The following GSE1 variants were observed in gnomAD, a reference collection of about 807,000 sequenced individuals.
GSE1 encodes the protein genetic suppressor element 1.
In GSE1, 32 loss-of-function variants were observed where a neutral mutation model predicts 112.6. That is an observed-to-expected ratio of 0.28 (90% confidence interval 0.21 to 0.38). The LOEUF (loss-of-function observed/expected upper bound fraction) is 0.38. Ranked by LOEUF, GSE1 falls within the 10% of genes least tolerant of loss-of-function variation. The pLI is 1.00. For synonymous variants in GSE1, 1,115 were observed against 735.6 expected (o/e 1.52, Z -8.35); for missense variants, 2,348 against 1,699.2 (o/e 1.38, Z -6.71).
chr16:85,544,916 C>T (rs529579834), intron 2 of GSE1, among the ~76,000 whole-genome samples: 25 of 152,350 alleles, frequency 1.6e-4, no homozygotes, highest in Non-Finnish European at 3.2e-4. Flanking sequence ...CAGCCGTGCC[C>T]GCGCTGTCAC....
At chr16:85,504,563 A>T (rs537853190) in intron 2 of GSE1, among the ~76,000 whole-genome samples, 2 of 152,216 alleles carry the variant, frequency 1.3e-5, no homozygotes, top group African/African-American at 2.4e-5. Flanking sequence ...CTCAGGGACA[A>T]TTGGGTTAAA....
chr16:85,612,508 T>G (rs1293264952), upstream of GSE1, among the ~76,000 whole-genome samples: 1 of 152,020 alleles, frequency 6.6e-6, no homozygotes, highest in East Asian at 1.9e-4. Flanking sequence ...ATGATCCCCC[T>G]GGCGAAGCGG....
At chr16:85,187,235 A>C (rs993436384) in intron 1 of GSE1, among the ~76,000 whole-genome samples, 1 of 152,234 alleles carries the variant, frequency 6.6e-6, no homozygotes, top group Non-Finnish European at 1.5e-5. Flanking sequence ...TGGCTGCAGC[A>C]GCTCCAGGGC....
In GSE1 at chr16:85,671,454, AAAAGAT is replaced by A. The variant is rs1315628378; in HGVS notation, c.3519+357_3519+362del. Among the ~76,000 whole-genome samples, 4 of 148,874 alleles carry A rather than the reference AAAAGAT, an allele frequency of 2.7e-5. 1 individual carries two copies. Among genetic ancestry groups the A allele is most frequent in the African/African-American group, 9.9e-5 (4 of 40,442 alleles). Reference sequence around the variant, plus strand: ...GACTCCGTCTCAAAAAAAAAAAAAAAAAAGATCAAAATTTGGACTGCATGCAATGGC... The same window carrying A: ...GACTCCGTCTCAAAAAAAAAAAAAAACAAAATTTGGACTGCATGCAATGGC... On this transcript the variant is annotated intron_variant, in intron 15 of 15. Coordinates refer to ENST00000253458, the MANE Select transcript of GSE1 (RefSeq NM_014615.5).
rs749084271 is a variant in GSE1 at position 85,655,759 on chromosome 16, G to T, written c.831G>T (p.Arg277Ser). 6.2e-7 allele frequency: 1 copy of T among 1,609,078 alleles called. No individual in the cohort carries two copies. Among genetic ancestry groups the T allele is most frequent in the South Asian group, 1.1e-5 (1 of 90,590 alleles). Residue 277 changes from arginine to serine, a missense_variant, in exon 6 of 16, where the codon AGG (arginine) becomes AGT (serine). Coordinates refer to ENST00000253458, the MANE Select transcript of GSE1 (RefSeq NM_014615.5). ...MDDSYCLSAL[R>S]SPFYPIPTPG... ...ACTCCTACTGCCTGTCTGCCCTGAG[G>T]TCCCCGTTCTACCCCATCCCCACCC...
At chr16:85,348,679 T>C (rs1248545749) in intron 1 of GSE1, among the ~76,000 whole-genome samples, 1 of 152,100 alleles carries the variant, frequency 6.6e-6, no homozygotes, top group Non-Finnish European at 1.5e-5. Context: ...ATCTATAAAA[T>C]GGGTTGGTCA....
In GSE1 at chr16:85,648,757, T is replaced by A. The variant is rs771280191; in HGVS notation, c.426+6T>A. ...GGAGGAGTGAGAGCCGGCAGGTGAGTGGGGCGGGGCAGGGAGCCTAGCGTC... is the reference window on the plus strand; with the variant it reads ...GGAGGAGTGAGAGCCGGCAGGTGAGAGGGGCGGGGCAGGGAGCCTAGCGTC... On this transcript the variant is annotated splice_donor_region_variant and intron_variant, in intron 3 of 15. Coordinates refer to ENST00000253458, the MANE Select transcript of GSE1 (RefSeq NM_014615.5). The A allele has an allele frequency of 5.1e-6, 8 of 1,561,340 alleles. No individual in the cohort carries two copies. The highest frequency in any genetic ancestry group is 6.1e-6 in the Non-Finnish European group (7 of 1,151,702).
chr16:85,349,894 G>A (rs1443819033), intron 1 of GSE1, among the ~76,000 whole-genome samples: 2 of 152,204 alleles, frequency 1.3e-5, no homozygotes, highest in African/African-American at 2.4e-5. Context: ...GTTGCTGTAC[G>A]GCCGCTAGGC....
Position 85,481,893 on chromosome 16 carries a change from A to G in GSE1, c.2464+124250A>G, listed in dbSNP as rs74417785. Reference sequence around the variant, plus strand: ...CGCAGAGGTGGCAGAGCTGGGGTGCAGGGCAGCCCTCCAGCCGGCATCCAC... The same window carrying G: ...CGCAGAGGTGGCAGAGCTGGGGTGCGGGGCAGCCCTCCAGCCGGCATCCAC... On this transcript the variant is annotated intron_variant, in intron 2 of 2. Transcript: ENST00000637419. Among the ~76,000 whole-genome samples the G allele has an allele frequency of 0.014, 2,145 of 152,330 alleles. 107 individuals carry two copies. In the East Asian group the frequency reaches 0.15, roughly 11 times the overall value.
At chr16:85,349,756 C>T (rs1488238365) in intron 1 of GSE1, among the ~76,000 whole-genome samples, 3 of 152,184 alleles carry the variant, frequency 2.0e-5, no homozygotes, top group Non-Finnish European at 2.9e-5. Flanking sequence ...CCCCCTCCTG[C>T]GGTTGTGTTC....
At chr16:85,206,785 GC>G (rs974265232) in intron 1 of GSE1, among the ~76,000 whole-genome samples, 10 of 150,286 alleles carry the variant, frequency 6.7e-5, no homozygotes, top group Admixed American at 6.6e-5. Context: ...GGAGGTGCTG[GC>G]CCCCCGCCAG....
intron 1 of GSE1, among the ~76,000 whole-genome samples, chr16:85,328,108 A>G (rs756767449): frequency 2.1e-4 from 32 of 152,364 alleles, no homozygotes; most frequent in Non-Finnish European, 4.0e-4. Flanking sequence ...TAGGTGCTCA[A>G]TAAATGCTTG....
intron 2 of GSE1, among the ~76,000 whole-genome samples, chr16:85,500,600 G>A (rs1463066782): frequency 2.0e-5 from 3 of 152,226 alleles, no homozygotes; most frequent in Non-Finnish European, 2.9e-5. Context: ...GAGGGCACCC[G>A]AGTGGGGTGT....
At chr16:85,606,190 A>C (rs960485727) in intron 1 of GSE1, among the ~76,000 whole-genome samples, 1 of 152,248 alleles carries the variant, frequency 6.6e-6, no homozygotes, top group African/African-American at 2.4e-5. Flanking sequence ...TGCTAAAATC[A>C]GACCACTCCG....
intron 14 of GSE1, among the ~76,000 whole-genome samples, chr16:85,669,880 C>T (rs930739825): frequency 5.3e-5 from 8 of 152,210 alleles, no homozygotes; most frequent in Admixed American, 1.3e-4. Flanking sequence ...CTGGGCCTGG[C>T]TTCGCCCCTG....
intron 8 of GSE1, among the ~76,000 whole-genome samples, chr16:85,659,878 C>T (rs1467022027): frequency 1.3e-5 from 2 of 152,246 alleles, no homozygotes; most frequent in African/African-American, 4.8e-5. Context: ...ACTTTGAGGC[C>T]TCTGCCACAG....
At chr16:85,481,794 G>A (rs2050688634) in intron 2 of GSE1, among the ~76,000 whole-genome samples, 2 of 152,246 alleles carry the variant, frequency 1.3e-5, no homozygotes, top group Non-Finnish European at 2.9e-5. Context: ...TGGAAAAGGT[G>A]AGAAGATAGT....
At chr16:85,643,723 TG>T (rs1046184955) in intron 2 of GSE1, among the ~76,000 whole-genome samples, 1 of 152,164 alleles carries the variant, frequency 6.6e-6, no homozygotes, top group African/African-American at 2.4e-5. Flanking sequence ...GAGAAGTCTC[TG>T]AGGTTCCTGG....
At chr16:85,290,611 A>C (rs1484848347) in intron 1 of GSE1, among the ~76,000 whole-genome samples, 1 of 152,172 alleles carries the variant, frequency 6.6e-6, no homozygotes, top group Non-Finnish European at 1.5e-5. Context: ...ACACCATGCC[A>C]GGTGTTCTGG....
Sources: gnomAD v4.1 joint callset for allele counts (sites outside exome capture counted in the v4.1 genomes callset) on GRCh38, gnomAD v4.1.1 for gene constraint, MANE v1.5 for transcripts, NCBI Gene and HGNC (gene_info 2026-07-23, HGNC 2026-07-21) for gene names.